Variants in CIMAP2 observed in about 807,000 individuals in gnomAD.
The protein encoded by CIMAP2 is ciliary microtubule associated protein 2.
chr1:54,828,099 A>G, the CIMAP2 span, among the ~76,000 whole-genome samples: 1 of 152,220 alleles, frequency 6.6e-6, no homozygotes, highest in African/African-American at 2.4e-5. Context: ...AGCAAAAGCA[A>G]TAAGACAGGA....
chr1:54,820,236 T>C, the CIMAP2 span, among the ~76,000 whole-genome samples: 1 of 151,670 alleles, frequency 6.6e-6, no homozygotes, highest in South Asian at 2.1e-4. Context: ...GGTATGAACA[T>C]GGCTCACTGC....
chr1:54,824,730 G>C, the CIMAP2 span, among the ~76,000 whole-genome samples: 1 of 151,716 alleles, frequency 6.6e-6, no homozygotes. Context: ...TTTCTGTTTG[G>C]TTCCTTTTTA....
At chr1:54,811,057 T>C in the CIMAP2 span, among the ~76,000 whole-genome samples, 123 of 152,310 alleles carry the variant, frequency 8.1e-4, no homozygotes, top group African/African-American at 2.9e-3. Context: ...CTCCTTCCCT[T>C]GCTTGCAGAC....
the CIMAP2 span, among the ~76,000 whole-genome samples, chr1:54,820,148 CCCTTCCTT>C: frequency 5.2e-5 from 6 of 116,202 alleles, no homozygotes; most frequent in Admixed American, 2.1e-4. Context: ...CTCTCTTTCT[CCCTTCCTT>C]CCTTCCTTCC....
the CIMAP2 span, among the ~76,000 whole-genome samples, chr1:54,825,243 G>T: frequency 2.0e-5 from 3 of 151,456 alleles, no homozygotes; most frequent in Non-Finnish European, 4.4e-5. Context: ...AGTAGAGACG[G>T]GGTTTCACCA....
At chr1:54,808,615 GGGA>G in the CIMAP2 span, among the ~76,000 whole-genome samples, 1 of 138,720 alleles carries the variant, frequency 7.2e-6, no homozygotes, top group Non-Finnish European at 1.6e-5. Context: ...GTGCTGCCGG[GGGA>G]GGGCAGTGGA....
the CIMAP2 span, among the ~76,000 whole-genome samples, chr1:54,819,988 CTTCT>C: frequency 5.1e-5 from 6 of 116,900 alleles, no homozygotes; most frequent in South Asian, 3.1e-4. Context: ...TTCTCTCTTT[CTTCT>C]TTCTTTCTCC....
the CIMAP2 span, among the ~76,000 whole-genome samples, chr1:54,835,202 G>GT: frequency 2.9e-3 from 442 of 152,074 alleles, no homozygotes; most frequent in Non-Finnish European, 4.3e-3. Flanking sequence ...TTTGTTTTTT[G>GT]TTTTTTTGAG....
chr1:54,824,713 T>C, the CIMAP2 span, among the ~76,000 whole-genome samples: 1 of 152,044 alleles, frequency 6.6e-6, no homozygotes, highest in African/African-American at 2.4e-5. Flanking sequence ...ATTGTTCAGT[T>C]CTAGGATTTC....
chr1:54,809,109 A>G, the CIMAP2 span, among the ~76,000 whole-genome samples: 16 of 152,284 alleles, frequency 1.1e-4, no homozygotes, highest in African/African-American at 3.6e-4. Context: ...GGACTGAATA[A>G]GTGCATGCAT....
the CIMAP2 span, chr1:54,806,064 C>A: frequency 3.4e-6 from 5 of 1,459,840 alleles, no homozygotes; most frequent in Non-Finnish European, 4.5e-6. Flanking sequence ...GGGCGCATCA[C>A]AAGGCCCGGG....
At chr1:54,820,277 C>T in the CIMAP2 span, among the ~76,000 whole-genome samples, 1 of 151,828 alleles carries the variant, frequency 6.6e-6, no homozygotes, top group Non-Finnish European at 1.5e-5. Flanking sequence ...AAGCAATTCC[C>T]CAACCTCACT....
chr1:54,811,227 C>T, the CIMAP2 span, among the ~76,000 whole-genome samples: 5 of 152,178 alleles, frequency 3.3e-5, no homozygotes, highest in African/African-American at 1.2e-4. Context: ...CAGCACTGTT[C>T]ACAGCACATT....
At chr1:54,835,410 A>G in the CIMAP2 span, among the ~76,000 whole-genome samples, 1 of 151,984 alleles carries the variant, frequency 6.6e-6, no homozygotes, top group Non-Finnish European at 1.5e-5. Flanking sequence ...GCTGTTCTCA[A>G]ACTCCTGGCC....
chr1:54,831,289 T>C, the CIMAP2 span, among the ~76,000 whole-genome samples: 2 of 152,228 alleles, frequency 1.3e-5, no homozygotes, highest in Non-Finnish European at 2.9e-5. Context: ...ATGAAATGCA[T>C]ATTTTTCTGA....
chr1:54,811,765 G>GCCGGGGGGGGGGGGCCCCCCCCC, the CIMAP2 span: 36 of 1,301,232 alleles, frequency 2.8e-5, no homozygotes, highest in Admixed American at 7.3e-5. Context: ...GGTTCTGACA[G>GCCGGGGGGGGGGGGCCCCCCCCC]CCTCCATGCC....
the CIMAP2 span, among the ~76,000 whole-genome samples, chr1:54,808,448 G>T: frequency 1.3e-5 from 2 of 152,134 alleles, no homozygotes; most frequent in Non-Finnish European, 1.5e-5. Context: ...AGGCCTTGAG[G>T]TGGGAACATG....
chr1:54,840,981 G>C, the CIMAP2 span, among the ~76,000 whole-genome samples: 136 of 152,324 alleles, frequency 8.9e-4, no homozygotes, highest in Admixed American at 5.5e-3. Flanking sequence ...GAGACAGGGA[G>C]GCTGCCTCAA....
At chr1:54,822,648 T>C in the CIMAP2 span, among the ~76,000 whole-genome samples, 4 of 152,116 alleles carry the variant, frequency 2.6e-5, no homozygotes, top group African/African-American at 9.7e-5. Flanking sequence ...GAACTACAGG[T>C]GCACATCACC....
Sources: gnomAD v4.1 joint callset for allele counts (sites outside exome capture counted in the v4.1 genomes callset) on GRCh38, gnomAD v4.1.1 for gene constraint, MANE v1.5 for transcripts, NCBI Gene and HGNC (gene_info 2026-07-23, HGNC 2026-07-21) for gene names.